The following HACD2 variants were observed in gnomAD, a reference collection of about 807,000 sequenced individuals.
HACD2 encodes 3-hydroxyacyl-CoA dehydratase 2.
In HACD2, 15 loss-of-function variants were observed where a neutral mutation model predicts 31.0. The ratio of observed to expected loss-of-function variants is 0.48; its 90% CI spans 0.32 to 0.75. The LOEUF (loss-of-function observed/expected upper bound fraction) is 0.75, where lower values mean the gene tolerates loss of function less well. Ranked by LOEUF, HACD2 falls within the 30% of genes least tolerant of loss-of-function variation. The pLI is 0.03. For missense variants in HACD2, 283 were observed against 313.0 expected (o/e 0.90, Z 0.72); for synonymous variants, 115 against 122.2 (o/e 0.94, Z 0.39).
intron 4 of HACD2, among the ~76,000 whole-genome samples, chr3:123,508,550 A>T (rs2056007566): frequency 6.6e-6 from 1 of 152,092 alleles, no homozygotes; most frequent in South Asian, 2.1e-4. Context: ...TAAGAAAACC[A>T]CTATTGTAGA....
At chr3:123,582,378 T>C in intron 1 of HACD2, 49 bp from the exon 2 acceptor site, 1 of 1,335,456 alleles carries the variant, frequency 7.5e-7, no homozygotes, top group Non-Finnish European at 1.0e-6. Flanking sequence ...ATAAAAAAAG[T>C]AGCATTTAGG....
At chr3:123,584,501 A>T in intron 1 of HACD2, 1 of 188,540 alleles carries the variant, frequency 5.3e-6, no homozygotes. Flanking sequence ...GGCGCCGTTC[A>T]ACATCCGAAT....
chr3:123,503,928 C>T (rs1293245203), intron 4 of HACD2, among the ~76,000 whole-genome samples: 2 of 152,154 alleles, frequency 1.3e-5, no homozygotes, highest in Non-Finnish European at 2.9e-5. Context: ...GTACATGGAG[C>T]GGTCCACCTA....
chr3:123,530,941 C>A (rs1392009767), intron 3 of HACD2, among the ~76,000 whole-genome samples: 1 of 152,064 alleles, frequency 6.6e-6, no homozygotes, highest in Non-Finnish European at 1.5e-5. Context: ...AATTTCGGCT[C>A]ACTGCAACCC....
chr3:123,567,114 C>T (rs113106237), intron 3 of HACD2, among the ~76,000 whole-genome samples: 42 of 152,300 alleles, frequency 2.8e-4, no homozygotes, highest in African/African-American at 9.4e-4. Flanking sequence ...GCAATCACTA[C>T]GGTCTTGCTC....
intron 2 of HACD2, among the ~76,000 whole-genome samples, chr3:123,568,171 G>A (rs1164476457): frequency 6.6e-6 from 1 of 152,142 alleles, no homozygotes; most frequent in Non-Finnish European, 1.5e-5. Context: ...GGGTGAGAAG[G>A]GCCTTTGTTG....
chr3:123,542,628 C>T (rs2056507258), intron 3 of HACD2, among the ~76,000 whole-genome samples: 1 of 152,230 alleles, frequency 6.6e-6, no homozygotes, highest in African/African-American at 2.4e-5. Flanking sequence ...TATATCGACA[C>T]AGACATTGGT....
intron 3 of HACD2, among the ~76,000 whole-genome samples, chr3:123,566,512 G>A (rs2056794120): frequency 6.6e-6 from 1 of 151,784 alleles, no homozygotes; most frequent in Non-Finnish European, 1.5e-5. Context: ...TCGAACTCCT[G>A]GCCTCAAGTG....
At chr3:123,576,234 T>C (rs1037006853) in intron 2 of HACD2, among the ~76,000 whole-genome samples, 3 of 141,142 alleles carry the variant, frequency 2.1e-5, no homozygotes, top group African/African-American at 9.1e-5. Context: ...ATTGCCACCA[T>C]TGATATTTTT....
At chr3:123,571,576 A>G (rs946138619) in intron 2 of HACD2, among the ~76,000 whole-genome samples, 1 of 152,242 alleles carries the variant, frequency 6.6e-6, no homozygotes, top group African/African-American at 2.4e-5. Flanking sequence ...ACCGACAGCT[A>G]GCAAGGAAAT....
chr3:123,509,284 C>T (rs73188538), intron 4 of HACD2, among the ~76,000 whole-genome samples: 8,595 of 151,970 alleles, frequency 0.057, 351 homozygotes, highest in Non-Finnish European at 0.081. Flanking sequence ...CTCAGAATCA[C>T]CTGAGCCCGG....
intron 3 of HACD2, among the ~76,000 whole-genome samples, chr3:123,534,854 A>G (rs2056406995): frequency 6.6e-6 from 1 of 151,764 alleles, no homozygotes; most frequent in Admixed American, 6.6e-5. Context: ...TAAAAAAAGA[A>G]ATTAAAAATA....
At chr3:123,560,761 T>A (rs576364401) in intron 3 of HACD2, among the ~76,000 whole-genome samples, 1 of 151,810 alleles carries the variant, frequency 6.6e-6, no homozygotes, top group Non-Finnish European at 1.5e-5. Flanking sequence ...CTGTCTGTAT[T>A]TTGGGTAATT....
At chr3:123,562,257 A>C (rs1225213633) in intron 3 of HACD2, among the ~76,000 whole-genome samples, 1 of 152,164 alleles carries the variant, frequency 6.6e-6, no homozygotes, top group African/African-American at 2.4e-5. Flanking sequence ...TACTTTGAAA[A>C]AGTTGAGGTG....
chr3:123,572,918 T>C (rs1227744173), intron 2 of HACD2, among the ~76,000 whole-genome samples: 1 of 152,002 alleles, frequency 6.6e-6, no homozygotes, highest in East Asian at 1.9e-4. Context: ...AAAACCTGAC[T>C]AGCCCACTCT....
At chr3:123,518,231 G>T in intron 4 of HACD2, among the ~76,000 whole-genome samples, 1 of 151,654 alleles carries the variant, frequency 6.6e-6, no homozygotes, top group African/African-American at 2.4e-5. Context: ...ATTTGAATCA[G>T]TTTTTAAAAA....
chr3:123,501,898 C>A (rs1163833615), intron 5 of HACD2, among the ~76,000 whole-genome samples: 1 of 152,178 alleles, frequency 6.6e-6, no homozygotes, highest in Non-Finnish European at 1.5e-5. Context: ...TTTCCTTCCA[C>A]CAAATAAGGC....
chr3:123,501,719 T>C (rs1394530146), intron 5 of HACD2, among the ~76,000 whole-genome samples: 1 of 152,172 alleles, frequency 6.6e-6, no homozygotes, highest in Admixed American at 6.5e-5. Flanking sequence ...TCCAGGTTGG[T>C]TAGTAACTGC....
chr3:123,509,856 G>A (rs1204380319), intron 4 of HACD2, among the ~76,000 whole-genome samples: 1 of 152,066 alleles, frequency 6.6e-6, no homozygotes, highest in Non-Finnish European at 1.5e-5. Flanking sequence ...AGATTGTGTG[G>A]GGAGGCGGGG....
Sources: allele counts gnomAD v4.1 joint callset (sites outside exome capture counted in the v4.1 genomes callset), GRCh38; gene constraint gnomAD v4.1.1; transcripts MANE v1.5; gene names NCBI Gene and HGNC (gene_info 2026-07-23, HGNC 2026-07-21).